SLC35F3: variants seen among roughly 807,000 people sequenced by gnomAD.
SLC35F3 encodes putative thiamine transporter SLC35F3.
In SLC35F3, 25 loss-of-function variants were observed where a neutral mutation model predicts 49.9. The ratio of observed to expected loss-of-function variants is 0.50; its 90% confidence interval spans 0.37 to 0.70. The LOEUF (loss-of-function observed/expected upper bound fraction) is 0.70, where lower values mean the gene tolerates loss of function less well. SLC35F3 is among the 30% of genes least tolerant of loss of function. The pLI is 0.00. For missense variants in SLC35F3, 525 were observed against 639.8 expected (o/e 0.82, Z 1.94); for synonymous variants, 275 against 265.4 (o/e 1.04, Z -0.35).
At chr1:233,958,606 C>A (rs1662744081) in intron 2 of SLC35F3, among the ~76,000 whole-genome samples, 1 of 152,082 alleles carries the variant, frequency 6.6e-6, no homozygotes, top group Admixed American at 6.5e-5. Flanking sequence ...AGCTTTGGGG[C>A]AAGAGTGGGA....
chr1:233,909,051 G>T (rs1661825768), intron 2 of SLC35F3, among the ~76,000 whole-genome samples: 2 of 150,956 alleles, frequency 1.3e-5, no homozygotes, highest in Non-Finnish European at 2.9e-5. Flanking sequence ...TAGAGACAGG[G>T]TTTCACCATG....
At chr1:234,216,429 G>C (rs1463487670) in intron 2 of SLC35F3, among the ~76,000 whole-genome samples, 5 of 152,210 alleles carry the variant, frequency 3.3e-5, no homozygotes, top group Non-Finnish European at 7.3e-5. Flanking sequence ...GAGGCAGTGA[G>C]TGGCATGCGA....
chr1:234,293,069 C>T (rs1218581742), intron 3 of SLC35F3, among the ~76,000 whole-genome samples: 1 of 152,226 alleles, frequency 6.6e-6, no homozygotes, highest in Non-Finnish European at 1.5e-5. Flanking sequence ...GGCACTCGAG[C>T]AAGATCCTGC....
intron 3 of SLC35F3, among the ~76,000 whole-genome samples, chr1:234,295,783 G>A (rs1337462803): frequency 1.3e-5 from 2 of 152,208 alleles, no homozygotes; most frequent in African/African-American, 2.4e-5. Context: ...AGGCCAGCCA[G>A]CAGATGAACA....
intron 4 of SLC35F3, among the ~76,000 whole-genome samples, chr1:234,313,092 G>C (rs1657399483): frequency 6.6e-6 from 1 of 152,062 alleles, no homozygotes; most frequent in African/African-American, 2.4e-5. Context: ...GCCCAGGCTG[G>C]TCTTGAACTT....
At chr1:234,315,270 A>G (rs894542364) in intron 4 of SLC35F3, among the ~76,000 whole-genome samples, 3 of 152,244 alleles carry the variant, frequency 2.0e-5, no homozygotes, top group African/African-American at 7.2e-5. Flanking sequence ...GTATAACCTA[A>G]GAGAAGTACG....
chr1:233,936,735 C>T (rs957256342), intron 2 of SLC35F3, among the ~76,000 whole-genome samples: 1 of 151,948 alleles, frequency 6.6e-6, no homozygotes, highest in African/African-American at 2.4e-5. Flanking sequence ...GTCGCCCAAG[C>T]TGAAGTGCAG....
chr1:234,288,781 T>C (rs901745897), intron 3 of SLC35F3, among the ~76,000 whole-genome samples: 2 of 152,186 alleles, frequency 1.3e-5, no homozygotes, highest in Admixed American at 1.3e-4. Flanking sequence ...CCATTATTGA[T>C]AAATAGTGGA....
At chr1:234,230,646 T>G (rs1271027306) in intron 2 of SLC35F3, among the ~76,000 whole-genome samples, 1 of 152,212 alleles carries the variant, frequency 6.6e-6, no homozygotes, top group Non-Finnish European at 1.5e-5. Flanking sequence ...GGAACAACAC[T>G]GCCGCAGAGC....
rs1020022814 is a variant in SLC35F3 at position 233,904,847 on chromosome 1, G to C, written c.-231G>C. 2 of 232,892 alleles carry C rather than the reference G, an allele frequency of 8.6e-6. No homozygotes were observed. Among genetic ancestry groups the C allele is most frequent in the Non-Finnish European group, 1.6e-5 (2 of 123,144 alleles). The allele number at this position is 232,892 out of a possible 1,614,324, so 14.4% of individuals were successfully genotyped here. On this transcript the variant is annotated 5_prime_UTR_variant, in exon 1 of 8. Coordinates refer to ENST00000366618, the MANE Select transcript of SLC35F3 (RefSeq NM_173508.4). The stretch of plus-strand genomic sequence containing the variant: ...GTCGTTGCGGCGAGCGCGCGGGCCG[G>C]CCTGGAGTCACCGGGCTGAACCGCC...
intron 2 of SLC35F3, among the ~76,000 whole-genome samples, chr1:234,094,716 G>C (rs184936512): frequency 7.9e-4 from 120 of 152,274 alleles, no homozygotes; most frequent in African/African-American, 2.8e-3. Flanking sequence ...TCGGCAGGGG[G>C]CGCTTTTATG....
At chr1:233,982,939 G>A (rs185658883) in intron 2 of SLC35F3, among the ~76,000 whole-genome samples, 1 of 152,312 alleles carries the variant, frequency 6.6e-6, no homozygotes, top group African/African-American at 2.4e-5. Flanking sequence ...GGGGAGTTGG[G>A]AACCCTGGAG....
chr1:234,151,618 G>A (rs888923631), intron 2 of SLC35F3, among the ~76,000 whole-genome samples: 2 of 151,786 alleles, frequency 1.3e-5, no homozygotes, highest in Non-Finnish European at 2.9e-5. Flanking sequence ...CAAAAATTAA[G>A]ATTAAACTAG....
intron 2 of SLC35F3, among the ~76,000 whole-genome samples, chr1:233,979,552 G>A (rs527317598): frequency 9.2e-5 from 14 of 152,318 alleles, no homozygotes; most frequent in South Asian, 4.1e-4. Context: ...GTTAAATAGC[G>A]TGTGCTCTGT....
At chr1:234,220,084 C>G (rs1667180335) in intron 2 of SLC35F3, among the ~76,000 whole-genome samples, 1 of 152,136 alleles carries the variant, frequency 6.6e-6, no homozygotes, top group Non-Finnish European at 1.5e-5. Context: ...AGGATTGAAA[C>G]AGGGGGAGCC....
At chr1:234,070,061 G>T (rs1664689683) in intron 2 of SLC35F3, among the ~76,000 whole-genome samples, 2 of 152,162 alleles carry the variant, frequency 1.3e-5, no homozygotes, top group African/African-American at 4.8e-5. Context: ...GGTTTAAATG[G>T]CTGGAAAGAA....
chr1:234,121,133 C>CA (rs1665565542), intron 2 of SLC35F3, among the ~76,000 whole-genome samples: 2 of 102,796 alleles, frequency 1.9e-5, no homozygotes, highest in African/African-American at 3.4e-5. Context: ...TGAAAAATTA[C>CA]TTTTTTTTTT....
chr1:234,201,366 C>T (rs774562030), intron 2 of SLC35F3, among the ~76,000 whole-genome samples: 5 of 152,202 alleles, frequency 3.3e-5, no homozygotes, highest in Non-Finnish European at 7.3e-5. Context: ...ATAGCTTCAA[C>T]TAGCTCCATG....
intron 2 of SLC35F3, among the ~76,000 whole-genome samples, chr1:234,047,274 A>G (rs951943067): frequency 2.6e-5 from 4 of 152,070 alleles, no homozygotes; most frequent in African/African-American, 9.7e-5. Context: ...GTGCCTGGAT[A>G]TTTGCTCAAA....
Sources: gnomAD v4.1 joint callset for allele counts (sites outside exome capture counted in the v4.1 genomes callset) on GRCh38, gnomAD v4.1.1 for gene constraint, MANE v1.5 for transcripts, NCBI Gene and HGNC (gene_info 2026-07-23, HGNC 2026-07-21) for gene names.